Variants in SLC24A2 observed in about 807,000 individuals in gnomAD.
The protein encoded by SLC24A2 is solute carrier family 24 member 2.
Under a neutral mutation model 62.0 loss-of-function variants are expected in SLC24A2, and 36 were observed. The observed-to-expected ratio is 0.58, with a 90% CI of 0.44 to 0.77. SLC24A2 has a LOEUF of 0.77. Ranked by LOEUF, SLC24A2 falls within the 30% of genes least tolerant of loss-of-function variation. The pLI, the probability that SLC24A2 is intolerant of heterozygous loss-of-function variation, is 0.00. For missense variants in SLC24A2, 846 were observed against 817.9 expected (o/e 1.03, Z -0.42); for synonymous variants, 358 against 294.0 (o/e 1.22, Z -2.23).
the SLC24A2 span, among the ~76,000 whole-genome samples, chr9:20,041,570 CA>C: frequency 6.6e-6 from 1 of 152,204 alleles, no homozygotes; most frequent in South Asian, 2.1e-4. Flanking sequence ...TCATCAAAAT[CA>C]GTGGTGGGGA....
chr9:19,783,858 CA>C (rs140332280), intron 2 of SLC24A2, among the ~76,000 whole-genome samples: 2,901 of 152,162 alleles, frequency 0.019, 88 homozygotes, highest in African/African-American at 0.067. Context: ...TAACCAATGT[CA>C]AAAGAAACAT....
the SLC24A2 span, among the ~76,000 whole-genome samples, chr9:19,946,704 A>G: frequency 4.6e-5 from 7 of 152,188 alleles, no homozygotes; most frequent in East Asian, 5.8e-4. Flanking sequence ...GGGCCCAGGG[A>G]TTTGGTCCCC....
chr9:19,969,715 G>A, the SLC24A2 span, among the ~76,000 whole-genome samples: 3 of 152,212 alleles, frequency 2.0e-5, no homozygotes, highest in African/African-American at 7.2e-5. Flanking sequence ...CAGTGATGAA[G>A]AGGGGATTGT....
rs1195879165 is a variant in SLC24A2, at chr9:19,722,167, T to C, written c.930+63770A>G. 2.0e-5 allele frequency among the ~76,000 whole-genome samples: 3 copies of C among 152,230 alleles called. No individual in the cohort carries two copies. The East Asian group carries it at 5.8e-4, about 29-fold the overall frequency. ...AGAAGAGTATTTAAGTAGTTCTATGTATAGTAGGAAGTGGGTGCTAATAGA... is the reference window on the plus strand; with the variant it reads ...AGAAGAGTATTTAAGTAGTTCTATGCATAGTAGGAAGTGGGTGCTAATAGA... On this transcript the variant is annotated intron_variant, in intron 2 of 10. Coordinates refer to ENST00000341998, the MANE Select transcript of SLC24A2 (RefSeq NM_020344.4).
chr9:19,554,161 C>T (rs1834971909), intron 7 of SLC24A2, among the ~76,000 whole-genome samples: 1 of 152,092 alleles, frequency 6.6e-6, no homozygotes, highest in African/African-American at 2.4e-5. Flanking sequence ...AGAAGAAAGG[C>T]CACATGAAGA....
intron 8 of SLC24A2, among the ~76,000 whole-genome samples, chr9:19,533,965 CG>C (rs1833831052): frequency 6.6e-6 from 1 of 151,946 alleles, no homozygotes; most frequent in Admixed American, 6.6e-5. Context: ...AAACTGGGAC[CG>C]TCCTGGGTAA....
chr9:19,750,579 GC>G (rs1821954002), intron 2 of SLC24A2, among the ~76,000 whole-genome samples: 1 of 152,004 alleles, frequency 6.6e-6, no homozygotes, highest in African/African-American at 2.4e-5. Flanking sequence ...ACTGAGCTCT[GC>G]CCCCGTCCAG....
intron 8 of SLC24A2, among the ~76,000 whole-genome samples, chr9:19,528,351 C>G (rs1833533318): frequency 6.6e-6 from 1 of 152,194 alleles, no homozygotes; most frequent in Admixed American, 6.5e-5. Flanking sequence ...TGAGTGATCA[C>G]AGTGCTGGCT....
At chr9:20,202,006 G>C in the SLC24A2 span, among the ~76,000 whole-genome samples, 2 of 151,612 alleles carry the variant, frequency 1.3e-5, no homozygotes, top group African/African-American at 4.9e-5. Flanking sequence ...GTAATCTTTG[G>C]GAAGTCGCCA....
intron 7 of SLC24A2, among the ~76,000 whole-genome samples, chr9:19,558,977 A>C (rs1835255205): frequency 6.6e-6 from 1 of 152,158 alleles, no homozygotes; most frequent in Non-Finnish European, 1.5e-5. Flanking sequence ...ACAAAGACCC[A>C]CTTTTCATAT....
At chr9:19,821,646 T>A in the SLC24A2 span, among the ~76,000 whole-genome samples, 2 of 152,238 alleles carry the variant, frequency 1.3e-5, no homozygotes, top group African/African-American at 4.8e-5. Context: ...TATTTCTATT[T>A]CTTAGATCAG....
chr9:19,651,924 G>T (rs909805397), intron 2 of SLC24A2, among the ~76,000 whole-genome samples: 1 of 152,060 alleles, frequency 6.6e-6, no homozygotes, highest in African/African-American at 2.4e-5. Flanking sequence ...TCGACCACAC[G>T]GGTTTCCTCC....
the SLC24A2 span, among the ~76,000 whole-genome samples, chr9:19,931,343 T>G: frequency 6.6e-6 from 1 of 152,214 alleles, no homozygotes. Context: ...AATACTGTAA[T>G]TTAAAAATAG....
Position 19,632,225 on chromosome 9 carries a change from T to C in SLC24A2, c.931-9926A>G, listed in dbSNP as rs567577767. 6.6e-6 allele frequency among the ~76,000 whole-genome samples: 1 copy of C among 152,324 alleles called. No homozygotes were observed. Among genetic ancestry groups the C allele is most frequent in the Admixed American group, 6.5e-5 (1 of 15,298 alleles). On this transcript the variant is annotated intron_variant, in intron 2 of 10. Transcript: ENST00000341998. This position sits in a 1 kb window ranked among gnomAD's most constrained non-coding sequence, Gnocchi z 4.5. ...CTCCCTGCACCCCATCTGCCATCCT[T>C]TGCTGTCATAGGGAGTCCAGGCAAA...
the SLC24A2 span, among the ~76,000 whole-genome samples, chr9:20,229,688 T>C: frequency 6.6e-6 from 1 of 152,134 alleles, no homozygotes; most frequent in African/African-American, 2.4e-5. Flanking sequence ...TATCACAGTA[T>C]ATTCATTTAT....
At chr9:19,730,799 G>A (rs1020286439) in intron 2 of SLC24A2, among the ~76,000 whole-genome samples, 1 of 151,598 alleles carries the variant, frequency 6.6e-6, no homozygotes, top group Non-Finnish European at 1.5e-5. Flanking sequence ...AAGCATAAAT[G>A]ACTACATTTA....
At chr9:19,839,852 G>A in the SLC24A2 span, among the ~76,000 whole-genome samples, 18 of 152,272 alleles carry the variant, frequency 1.2e-4, no homozygotes, top group African/African-American at 4.1e-4. Context: ...CATAGCCATT[G>A]TGTTAACTGC....
chr9:20,102,684 A>G, the SLC24A2 span, among the ~76,000 whole-genome samples: 5 of 150,692 alleles, frequency 3.3e-5, no homozygotes, highest in African/African-American at 1.2e-4. Context: ...GACATTTCCA[A>G]AAAAAAAAAG....
In SLC24A2 at chr9:19,741,463, A is replaced by G. The variant is rs935140647; in HGVS notation, c.930+44474T>C. ...GGCGCAGTTTTTCCAACACTCACAT[A>G]ACAGCCTCAACACTCTCTGCTCCAA... On this transcript the variant is annotated intron_variant, in intron 2 of 10. Transcript: ENST00000341998. 2.0e-5 allele frequency among the ~76,000 whole-genome samples: 3 copies of G among 152,114 alleles called. No individual in the cohort carries two copies. In the South Asian group the frequency reaches 6.2e-4, roughly 32 times the overall value.
Sources: gnomAD v4.1 joint callset for allele counts (sites outside exome capture counted in the v4.1 genomes callset) on GRCh38, gnomAD v4.1.1 for gene constraint, Gnocchi (gnomAD v3.1) non-coding constraint, MANE v1.5 for transcripts, NCBI Gene and HGNC (gene_info 2026-07-23, HGNC 2026-07-21) for gene names.